Variants in CACNA1E observed in about 807,000 individuals in gnomAD.
CACNA1E encodes voltage-dependent R-type calcium channel subunit alpha-1E.
CACNA1E carries 40 observed loss-of-function variants against 259.2 expected under a neutral mutation model. The observed-to-expected ratio is 0.15, with a 90% CI of 0.12 to 0.20. The LOEUF (loss-of-function observed/expected upper bound fraction) is 0.20, where lower values mean the gene tolerates loss of function less well. Ranked by LOEUF, CACNA1E falls within the 10% of genes least tolerant of loss-of-function variation. CACNA1E has a pLI of 1.00. For missense variants in CACNA1E, 1,874 were observed against 3,040.1 expected (o/e 0.62, Z 9.02); for synonymous variants, 1,104 against 1,138.5 (o/e 0.97, Z 0.61).
At chr1:181,563,169 G>C (rs951091094) in intron 3 of CACNA1E, among the ~76,000 whole-genome samples, 1 of 152,120 alleles carries the variant, frequency 6.6e-6, no homozygotes, top group Non-Finnish European at 1.5e-5. Context: ...CACTGTAATT[G>C]TAGGTTTGTC....
chr1:181,417,634 C>G (rs1045012728), intron 2 of CACNA1E, among the ~76,000 whole-genome samples: 1 of 152,246 alleles, frequency 6.6e-6, no homozygotes, highest in Non-Finnish European at 1.5e-5. Flanking sequence ...TTAGTCCTGC[C>G]CAGAAATCTT....
At chr1:181,476,069 G>C (rs568651716) in intron 2 of CACNA1E, among the ~76,000 whole-genome samples, 43 of 152,244 alleles carry the variant, frequency 2.8e-4, no homozygotes, top group African/African-American at 9.4e-4. Context: ...GGGATGCCAA[G>C]AACGATGACC....
chr1:181,581,318 A>G (rs1483296068), intron 6 of CACNA1E, among the ~76,000 whole-genome samples: 1 of 152,220 alleles, frequency 6.6e-6, no homozygotes, highest in East Asian at 1.9e-4. Flanking sequence ...AAAGCTTCCT[A>G]TCTGATTCTC....
Position 181,579,232 on chromosome 1 carries a change from C to A in CACNA1E, c.769+8C>A. On this transcript the variant is annotated splice_region_variant and intron_variant, in intron 5 of 47. Transcript: ENST00000367573. ...GCTTCATGAACAATTCAGGTAGGGT[C>A]GTTCTTTTCTGTCTTCTCCTTTTCC... 6.2e-7 allele frequency: 1 copy of A among 1,605,174 alleles called. No individual in the cohort carries two copies. Among genetic ancestry groups the A allele is most frequent in the African/African-American group, 1.3e-5 (1 of 74,598 alleles).
chr1:181,727,310 A>T (rs1392920483), intron 18 of CACNA1E, among the ~76,000 whole-genome samples: 3 of 152,218 alleles, frequency 2.0e-5, no homozygotes, highest in Non-Finnish European at 4.4e-5. Flanking sequence ...CAAGAGAAAG[A>T]ACAGGAGGTA....
chr1:181,680,985 C>T (rs1482758909), intron 7 of CACNA1E, among the ~76,000 whole-genome samples: 8 of 152,224 alleles, frequency 5.3e-5, no homozygotes, highest in South Asian at 2.1e-4. Flanking sequence ...CCCGTGCAGT[C>T]GCCCTGGAAG....
At chr1:181,541,322 T>A (rs1364126381) in intron 3 of CACNA1E, among the ~76,000 whole-genome samples, 1 of 152,096 alleles carries the variant, frequency 6.6e-6, no homozygotes, top group African/African-American at 2.4e-5. Flanking sequence ...ACATTATATA[T>A]GTTTAACATA....
At chr1:181,590,410 AAAAAAAAT>A (rs916747640) in intron 6 of CACNA1E, among the ~76,000 whole-genome samples, 1 of 119,120 alleles carries the variant, frequency 8.4e-6, no homozygotes, top group Non-Finnish European at 1.7e-5. Flanking sequence ...ACAAAAAAAA[AAAAAAAAT>A]ATATATATAT....
At chr1:181,755,686 G>A (rs1658028540) in intron 28 of CACNA1E, among the ~76,000 whole-genome samples, 1 of 152,118 alleles carries the variant, frequency 6.6e-6, no homozygotes, top group Admixed American at 6.5e-5. Flanking sequence ...TTATACAAGT[G>A]GAAGCTAAGA....
chr1:181,474,425 CA>C, intron 2 of CACNA1E, among the ~76,000 whole-genome samples: 1 of 152,298 alleles, frequency 6.6e-6, no homozygotes, highest in Admixed American at 6.5e-5. Context: ...CAGAAACCTG[CA>C]AAAGAGCCTG....
At position 181,800,101 on chromosome 1, in the gene CACNA1E, T is replaced by C. The variant is rs1662164108; in HGVS notation, c.*1267T>C. 6.5e-6 allele frequency: 1 copy of C among 152,788 alleles called. No homozygotes were observed. The highest frequency in any genetic ancestry group is 6.5e-5 in the Admixed American group (1 of 15,286). The allele number at this position is 152,788 out of a possible 1,614,324, so 9.5% of individuals were successfully genotyped here. ...AGCTTCTGTGAAAGTCTGGATTTAC[T>C]GAGGACCTCCCCTGAGGAGGGACCG... On this transcript the variant is annotated 3_prime_UTR_variant, in exon 48 of 48. Transcript: ENST00000367573.
chr1:181,491,461 G>A (rs1468488894), intron 1 of CACNA1E, among the ~76,000 whole-genome samples: 1 of 152,168 alleles, frequency 6.6e-6, no homozygotes, highest in African/African-American at 2.4e-5. Context: ...GCTGGTCTTG[G>A]ACATCATGCT....
intron 6 of CACNA1E, among the ~76,000 whole-genome samples, chr1:181,648,176 A>AT (rs928128882): frequency 3.0e-4 from 46 of 152,316 alleles, no homozygotes; most frequent in African/African-American, 1.1e-3. Flanking sequence ...GTATCAGTGT[A>AT]TTTTTAACAG....
At chr1:181,398,142 T>A (rs1656823747) in intron 1 of CACNA1E, among the ~76,000 whole-genome samples, 2 of 152,180 alleles carry the variant, frequency 1.3e-5, no homozygotes, top group Non-Finnish European at 2.9e-5. Flanking sequence ...ACTGCTGCCA[T>A]CTGAACATCT....
chr1:181,582,589 G>A (rs1651648262), intron 6 of CACNA1E, among the ~76,000 whole-genome samples: 1 of 152,246 alleles, frequency 6.6e-6, no homozygotes, highest in Non-Finnish European at 1.5e-5. Flanking sequence ...CCAAGATTCA[G>A]ATGGTACTGA....
intron 6 of CACNA1E, among the ~76,000 whole-genome samples, chr1:181,618,532 T>C (rs912603012): frequency 1.3e-5 from 2 of 151,318 alleles, no homozygotes; most frequent in Non-Finnish European, 2.9e-5. Flanking sequence ...GCCACTGCAC[T>C]CCAGCCTGGG....
At chr1:181,717,937 G>C in intron 11 of CACNA1E, 118 bp from the exon 12 acceptor site, 1 of 620,308 alleles carries the variant, frequency 1.6e-6, no homozygotes, top group South Asian at 1.9e-5. Context: ...GCCTGATGTG[G>C]CCACCGAATG....
At chr1:181,684,002 A>G (rs746165913) in intron 7 of CACNA1E, among the ~76,000 whole-genome samples, 1 of 152,172 alleles carries the variant, frequency 6.6e-6, no homozygotes, top group African/African-American at 2.4e-5. Context: ...CAATGACTTG[A>G]TCAGGTTTGC....
chr1:181,435,997 T>C (rs1180693565), intron 2 of CACNA1E, among the ~76,000 whole-genome samples: 2 of 152,158 alleles, frequency 1.3e-5, no homozygotes, highest in Non-Finnish European at 2.9e-5. Context: ...TAAAAAGATA[T>C]GAGGAACTCA....
Sources: allele counts gnomAD v4.1 joint callset (sites outside exome capture counted in the v4.1 genomes callset), GRCh38; gene constraint gnomAD v4.1.1; transcripts MANE v1.5; gene names NCBI Gene and HGNC (gene_info 2026-07-23, HGNC 2026-07-21).